TRPM3: variants seen among roughly 807,000 people sequenced by gnomAD.
TRPM3 encodes long transient receptor potential channel 3.
TRPM3 carries 77 observed loss-of-function variants against 181.2 expected under a neutral mutation model. The ratio of observed to expected loss-of-function variants is 0.42; its 90% confidence interval spans 0.35 to 0.51. TRPM3 has a LOEUF of 0.51. Among genes scored for constraint, TRPM3 ranks in the 20% least tolerant of loss-of-function variants. The pLI, the probability that TRPM3 is intolerant of heterozygous loss-of-function variation, is 0.01. For synonymous variants in TRPM3, 745 were observed against 796.4 expected, an observed-to-expected ratio of 0.94 and a Z score of 1.09; for missense variants, 1,759 against 2,196.7, an observed-to-expected ratio of 0.80 and a Z score of 3.98.
At chr9:71,416,501 G>C (rs2093638897) in intron 1 of TRPM3, among the ~76,000 whole-genome samples, 1 of 151,728 alleles carries the variant, frequency 6.6e-6, no homozygotes, top group African/African-American at 2.4e-5. Flanking sequence ...AGAAAATATA[G>C]CTGGTTTCCT....
intron 1 of TRPM3, among the ~76,000 whole-genome samples, chr9:71,131,469 G>C (rs1041708559): frequency 6.6e-6 from 1 of 152,158 alleles, no homozygotes; most frequent in Non-Finnish European, 1.5e-5. Context: ...ATTGTCGACT[G>C]TATCCCAGAT....
chr9:71,221,271 T>C (rs1244515126), intron 1 of TRPM3, among the ~76,000 whole-genome samples: 4 of 152,234 alleles, frequency 2.6e-5, no homozygotes, highest in African/African-American at 9.6e-5. Context: ...ACATTTGCAA[T>C]CTGGACATTT....
At chr9:71,036,951 C>A (rs987749604) in intron 1 of TRPM3, among the ~76,000 whole-genome samples, 3 of 152,110 alleles carry the variant, frequency 2.0e-5, no homozygotes, top group African/African-American at 7.2e-5. Context: ...TGATTGTAGG[C>A]ATTTTTCAAG....
At chr9:70,932,662 GC>G (rs2096786876) in intron 1 of TRPM3, among the ~76,000 whole-genome samples, 1 of 152,146 alleles carries the variant, frequency 6.6e-6, no homozygotes, top group Non-Finnish European at 1.5e-5. Context: ...AACAGCATGT[GC>G]ACAGATACTG....
intron 1 of TRPM3, among the ~76,000 whole-genome samples, chr9:71,318,425 C>T (rs2088861169): frequency 6.6e-6 from 1 of 152,040 alleles, no homozygotes; most frequent in Non-Finnish European, 1.5e-5. Context: ...TAAAAAACAA[C>T]AGAATGGTGA....
intron 1 of TRPM3, among the ~76,000 whole-genome samples, chr9:71,184,302 A>AC (rs1435644833): frequency 6.6e-6 from 1 of 152,110 alleles, no homozygotes; most frequent in African/African-American, 2.4e-5. Context: ...CAAGAACACC[A>AC]CTTTACTCAA....
chr9:70,999,405 G>GTCCTA (rs1372383632), intron 1 of TRPM3, among the ~76,000 whole-genome samples: 3 of 152,162 alleles, frequency 2.0e-5, no homozygotes, highest in Non-Finnish European at 4.4e-5. Context: ...AGCTGTACCT[G>GTCCTA]GGCCTGAACG....
intron 1 of TRPM3, among the ~76,000 whole-genome samples, chr9:71,067,967 T>C (rs527437749): frequency 6.0e-4 from 91 of 152,274 alleles, no homozygotes; most frequent in African/African-American, 2.0e-3. Flanking sequence ...AGAAACTCTC[T>C]TGATGCAACA....
At chr9:70,752,041 T>TGC (rs1181184624) in intron 8 of TRPM3, among the ~76,000 whole-genome samples, 6 of 117,772 alleles carry the variant, frequency 5.1e-5, no homozygotes, top group Non-Finnish European at 9.1e-5. Context: ...TGTGTGTGTG[T>TGC]GTGTGTGTGC....
intron 1 of TRPM3, among the ~76,000 whole-genome samples, chr9:71,420,596 AAGAG>A (rs1262654401): frequency 6.9e-6 from 1 of 144,024 alleles, no homozygotes; most frequent in South Asian, 2.1e-4. Flanking sequence ...GAAAAAGAGA[AAGAG>A]AAGAGAAAGA....
chr9:71,226,143 G>C (rs1371849672), intron 1 of TRPM3, among the ~76,000 whole-genome samples: 3 of 139,668 alleles, frequency 2.1e-5, no homozygotes, highest in Non-Finnish European at 4.6e-5. Flanking sequence ...AATATTATTT[G>C]CAAGCCTCAT....
Position 70,913,440 on chromosome 9 carries a change from AAAG to A in TRPM3, c.178-48932_178-48930del, listed in dbSNP as rs539742578. ...TTCATACTTATCACTGCCACAATTG[AAAG>A]AAGTTTAGAGATAGATATTAAACAG... On this transcript the variant is annotated intron_variant, in intron 1 of 25. Coordinates refer to ENST00000677713, the MANE Select transcript of TRPM3 (RefSeq NM_001366145.2). Among the ~76,000 whole-genome samples, 1,111 of 152,274 alleles carry A rather than the reference AAAG, an allele frequency of 7.3e-3. 4 individuals are homozygous for A. The highest frequency in any genetic ancestry group is 0.01 in the Non-Finnish European group (696 of 68,016).
At chr9:70,557,496 G>C (rs17536713) in intron 22 of TRPM3, among the ~76,000 whole-genome samples, 35,476 of 152,146 alleles carry the variant, frequency 0.23, 4,833 homozygotes, top group Admixed American at 0.31. Flanking sequence ...AACCTAAAAA[G>C]TGCTATGACT....
chr9:71,399,774 G>A (rs961134355), intron 1 of TRPM3, among the ~76,000 whole-genome samples: 5 of 152,088 alleles, frequency 3.3e-5, no homozygotes, highest in East Asian at 1.9e-4. Context: ...CTTGTGATCC[G>A]CCCGCCTTGG....
chr9:71,323,126 T>C (rs1030652455), intron 1 of TRPM3, among the ~76,000 whole-genome samples: 3 of 152,146 alleles, frequency 2.0e-5, no homozygotes, highest in Non-Finnish European at 2.9e-5. Context: ...TCACACTAAT[T>C]TGTCCTGATT....
chr9:71,190,284 G>T (rs1489294392), intron 1 of TRPM3, among the ~76,000 whole-genome samples: 1 of 151,828 alleles, frequency 6.6e-6, no homozygotes, highest in Non-Finnish European at 1.5e-5. Context: ...ACTGAACAAA[G>T]CAGGTCAGTC....
rs2093592810 is a variant in TRPM3, at chr9:71,413,515, T to C, written c.183+33138A>G. On this transcript the variant is annotated intron_variant, in intron 1 of 24. Transcript: ENST00000357533. ...ACTATACCTTTAACAAGTCTCATAA[T>C]ACTGTAGTTTCTTTATATTTGTTCA... Among the ~76,000 whole-genome samples the C allele has an allele frequency of 2.0e-5, 3 of 152,082 alleles. No individual in the cohort carries two copies. In the South Asian group the frequency reaches 6.2e-4, roughly 31 times the overall value.
intron 1 of TRPM3, among the ~76,000 whole-genome samples, chr9:70,875,760 A>C (rs2095858950): frequency 6.6e-6 from 1 of 151,958 alleles, no homozygotes; most frequent in Non-Finnish European, 1.5e-5. Context: ...CTAACAAACA[A>C]GAATTATTTA....
At chr9:71,339,243 A>G (rs1334911936) in intron 1 of TRPM3, among the ~76,000 whole-genome samples, 2 of 152,186 alleles carry the variant, frequency 1.3e-5, no homozygotes, top group African/African-American at 4.8e-5. Context: ...AGTCTCAAAT[A>G]TCAAGATGTT....
Sources: allele counts gnomAD v4.1 joint callset (sites outside exome capture counted in the v4.1 genomes callset), GRCh38; gene constraint gnomAD v4.1.1; transcripts MANE v1.5; gene names NCBI Gene and HGNC (gene_info 2026-07-23, HGNC 2026-07-21).